Variants in MYLK observed in about 807,000 individuals in gnomAD.
MYLK encodes the protein myosin light chain kinase, smooth muscle.
A neutral mutation model predicts 203.4 loss-of-function variants in MYLK; 106 were observed. The observed-to-expected ratio is 0.52, with a 90% confidence interval of 0.45 to 0.61. The LOEUF is 0.61. MYLK is among the 20% of genes least tolerant of loss of function. The pLI, the probability that MYLK is intolerant of heterozygous loss-of-function variation, is 0.00. For synonymous variants in MYLK, 867 were observed against 959.5 expected (o/e 0.90, Z 1.78); for missense variants, 2,072 against 2,442.3 (o/e 0.85, Z 3.20).
At chr3:123,755,803 T>C (rs1223250305) in intron 4 of MYLK, among the ~76,000 whole-genome samples, 1 of 152,098 alleles carries the variant, frequency 6.6e-6, no homozygotes, top group South Asian at 2.1e-4. Context: ...TAAAAACTCT[T>C]TGGTCCTGTA....
At position 123,620,253 on chromosome 3, in the gene MYLK, T is replaced by G; in HGVS notation, c.5322A>C (p.Thr1774=). The G allele has an allele frequency of 6.2e-7, 1 of 1,614,182 alleles. No individual in the cohort carries two copies. Among genetic ancestry groups the G allele is most frequent in the Non-Finnish European group, 8.5e-7 (1 of 1,180,028 alleles). Residue 1774 remains threonine (T), a synonymous_variant, in exon 32 of 34, where the codon ACA becomes ACC. Coordinates refer to ENST00000360304, the MANE Select transcript of MYLK (RefSeq NM_053025.4). The part of the protein sequence containing the change: ...ISGLSGRKSS[T]GSPTSPLNAE... ...CATTGAGCGGGCTGGTTGGTGACCC[T>G]GTTGAGGATTTCCTGCCACTGAGCC...
rs1185605227 is a variant in MYLK, at chr3:123,612,762, C to T, written c.*1343G>A. The T allele has an allele frequency of 6.6e-6, 1 of 152,388 alleles. No homozygotes were observed. The highest frequency in any genetic ancestry group is 6.6e-5 in the Admixed American group (1 of 15,248). The allele number at this position is 152,388 out of a possible 1,614,324, so 9.4% of individuals were successfully genotyped here. A position where few individuals can be genotyped will look rare whatever the true frequency, so the allele number is the denominator to read the frequency against. On this transcript the variant is annotated 3_prime_UTR_variant, in exon 34 of 34. Transcript: ENST00000360304. Reference sequence around the variant, plus strand: ...ATTTTAAATTGGTTCTTAAGGAACTCTTAAAAAGTCCCTTAAAAATATTAA... The same window carrying T: ...ATTTTAAATTGGTTCTTAAGGAACTTTTAAAAAGTCCCTTAAAAATATTAA...
chr3:123,811,055 G>A (rs1689023122), intron 3 of MYLK, among the ~76,000 whole-genome samples: 1 of 152,194 alleles, frequency 6.6e-6, no homozygotes, highest in African/African-American at 2.4e-5. Flanking sequence ...GAAAGAAATG[G>A]TGACCTCTGA....
intron 24 of MYLK, among the ~76,000 whole-genome samples, chr3:123,651,830 G>A (rs2059221489): frequency 6.6e-6 from 1 of 152,210 alleles, no homozygotes; most frequent in African/African-American, 2.4e-5. Context: ...CACCCCAGAG[G>A]TCTGTGGCAG....
At chr3:123,754,596 C>T (rs1158472445) in intron 4 of MYLK, among the ~76,000 whole-genome samples, 1 of 152,004 alleles carries the variant, frequency 6.6e-6, no homozygotes, top group Non-Finnish European at 1.5e-5. Flanking sequence ...TGAAGGAGAC[C>T]GCATCCATTG....
At position 123,613,339 on chromosome 3, in the gene MYLK, A is replaced by AT. The variant is rs11403360; in HGVS notation, c.*765dup. On this transcript the variant is annotated 3_prime_UTR_variant, in exon 34 of 34. Coordinates refer to ENST00000360304, the MANE Select transcript of MYLK (RefSeq NM_053025.4). The stretch of plus-strand genomic sequence containing the variant: ...TACAAAGGAAACCACATTAGCAAGG[A>AT]TTTTTTTTTTCCCATGGGTTCTTAA... 93,009 of 150,666 alleles carry AT rather than the reference A, an allele frequency of 0.62. 30,775 individuals are homozygous for AT. Among genetic ancestry groups the AT allele is most frequent in the Non-Finnish European group, 0.75 (50,634 of 67,570 alleles). The allele number at this position is 150,666 out of a possible 1,614,324, so 9.3% of individuals were successfully genotyped here. A position where few individuals can be genotyped will look rare whatever the true frequency, so the allele number is the denominator to read the frequency against.
chr3:123,727,183 C>T (rs2062320204), intron 11 of MYLK, among the ~76,000 whole-genome samples: 1 of 152,206 alleles, frequency 6.6e-6, no homozygotes, highest in African/African-American at 2.4e-5. Context: ...GCACTTTCTC[C>T]TCCAGATCCT....
chr3:123,861,345 G>A (rs755660237), intron 2 of MYLK, among the ~76,000 whole-genome samples: 8 of 152,260 alleles, frequency 5.3e-5, no homozygotes, highest in Non-Finnish European at 8.8e-5. Flanking sequence ...GCCTGTAGAA[G>A]CCTGTAGGTG....
chr3:123,625,706 G>T (rs1367508384), intron 31 of MYLK, among the ~76,000 whole-genome samples: 1 of 150,314 alleles, frequency 6.7e-6, no homozygotes, highest in Non-Finnish European at 1.5e-5. Context: ...TACTTGGGAG[G>T]CTGAGGCAGG....
chr3:123,647,505 C>T, intron 26 of MYLK, 78 bp from the exon 27 acceptor site: 1 of 1,268,264 alleles, frequency 7.9e-7, no homozygotes, highest in East Asian at 2.3e-5. Context: ...AAATTATGGC[C>T]CATGGGACAG....
chr3:123,829,865 A>G (rs1332224806), intron 3 of MYLK, among the ~76,000 whole-genome samples: 1 of 152,254 alleles, frequency 6.6e-6, no homozygotes, highest in East Asian at 1.9e-4. Context: ...CTGCCTTTGC[A>G]CTGACCAGAT....
chr3:123,655,224 CCTT>C (rs1461573750), intron 24 of MYLK, among the ~76,000 whole-genome samples: 9 of 152,130 alleles, frequency 5.9e-5, no homozygotes, highest in African/African-American at 2.2e-4. Flanking sequence ...GTCCTCATCT[CCTT>C]CATTTTTATT....
intron 2 of MYLK, among the ~76,000 whole-genome samples, chr3:123,872,231 A>C (rs780808318): frequency 9.2e-5 from 14 of 152,206 alleles, no homozygotes; most frequent in Non-Finnish European, 1.6e-4. Flanking sequence ...AGAGTTGAAT[A>C]AAGTACCTTA....
At chr3:123,708,556 C>T (rs915337181) in intron 15 of MYLK, 142 bp downstream of exon 15, 2 of 871,236 alleles carry the variant, frequency 2.3e-6, no homozygotes, top group African/African-American at 1.7e-5. Flanking sequence ...GAGCTGGCCT[C>T]TGGGGCTGGG....
In MYLK at chr3:123,614,100, T is replaced by C; in HGVS notation, c.*5A>G. 1.9e-6 allele frequency: 3 copies of C among 1,613,830 alleles called. No homozygotes were observed. Among genetic ancestry groups the C allele is most frequent in the Non-Finnish European group, 2.5e-6 (3 of 1,179,972 alleles). On this transcript the variant is annotated 3_prime_UTR_variant, in exon 34 of 34. Transcript: ENST00000360304. The stretch of plus-strand genomic sequence containing the variant: ...ACTTAGAAACTGCTTTTCTCTGGCT[T>C]TGTTTCACTCTTCTTCCTCTTCCCC...
chr3:123,764,878 G>A lies in MYLK; in HGVS notation c.166-12340C>T, dbSNP rs34088209. Among the ~76,000 whole-genome samples, 567 of 152,204 alleles carry A rather than the reference G, an allele frequency of 3.7e-3. 3 individuals are homozygous for A. The highest frequency in any genetic ancestry group is 0.02 in the Middle Eastern group (6 of 294). The stretch of plus-strand genomic sequence containing the variant: ...CTACTCTCCTAACCACAGGCATAGC[G>A]CGTCAGAAGACTGAAACCCAACTCA... On this transcript the variant is annotated intron_variant, in intron 4 of 33. Transcript: ENST00000360304.
At chr3:123,761,457 G>A (rs2063531327) in intron 4 of MYLK, among the ~76,000 whole-genome samples, 1 of 152,152 alleles carries the variant, frequency 6.6e-6, no homozygotes. Context: ...GAGCAGGTGG[G>A]GCTATGAAAG....
At chr3:123,616,717 T>C (rs1207924657) in intron 33 of MYLK, 1 of 152,134 alleles carries the variant, frequency 6.6e-6, no homozygotes, top group Admixed American at 6.5e-5. Context: ...GAGTTATTGC[T>C]CTGTCATTTC....
At position 123,822,198 on chromosome 3, in the gene MYLK, C is replaced by T. The variant is rs1577068237; in HGVS notation, c.-4+9350G>A. ...TAAGTCTCTATTCTTTATAAATTAC[C>T]TGGTTTGTGATATTCTTTTACAGCA... On this transcript the variant is annotated intron_variant, in intron 3 of 33. Transcript: ENST00000360304. Among the ~76,000 whole-genome samples, 6 of 152,240 alleles carry T rather than the reference C, an allele frequency of 3.9e-5. No homozygotes were observed. In the South Asian group the frequency reaches 1.2e-3, roughly 32 times the overall value.
Sources: allele counts gnomAD v4.1 joint callset (sites outside exome capture counted in the v4.1 genomes callset), GRCh38; gene constraint gnomAD v4.1.1; transcripts MANE v1.5; gene names NCBI Gene and HGNC (gene_info 2026-07-23, HGNC 2026-07-21).